The following AXDND1 variants were observed in gnomAD, a reference collection of about 807,000 sequenced individuals.
AXDND1 encodes the protein axonemal dynein light chain domain containing 1.
Under a neutral mutation model 137.5 loss-of-function variants are expected in AXDND1, and 110 were observed. That is an observed-to-expected ratio of 0.80 (90% CI 0.69 to 0.94). The LOEUF (loss-of-function observed/expected upper bound fraction) is 0.94. Ranked by LOEUF, AXDND1 falls within the 40% of genes least tolerant of loss-of-function variation. The pLI, the probability that AXDND1 is intolerant of heterozygous loss-of-function variation, is 0.00. For synonymous variants in AXDND1, 414 were observed against 399.7 expected (o/e 1.04, Z -0.43); for missense variants, 1,191 against 1,169.8 (o/e 1.02, Z -0.26).
At position 179,368,968 on chromosome 1, in the gene AXDND1, C is replaced by A. The variant is rs1257020379; in HGVS notation, c.266C>A (p.Pro89Gln). 5.6e-6 allele frequency: 9 copies of A among 1,609,758 alleles called. No homozygotes were observed. Among genetic ancestry groups the A allele is most frequent in the Non-Finnish European group, 7.6e-6 (9 of 1,177,222 alleles). The change falls in exon 3 of 26, where the codon CCA becomes CAA. Residue 89 changes from proline to glutamine, a missense_variant. Pro to Gln is a moderately conservative substitution (Grantham distance 76). Coordinates refer to ENST00000367618, the MANE Select transcript of AXDND1 (RefSeq NM_144696.6). The stretch of plus-strand genomic sequence containing the variant: ...CTACCTCCTAAGAAAATTAAAACCC[C>A]AAAGGTTTGTATGTACATATGTAGA... ...NLLPPKKIKT[P>Q]KGTLPRLVDH...
chr1:179,411,270 A>G lies in AXDND1; in HGVS notation c.1230+4A>G. ...CACATATGAATTGGCCCTGAAGGTT[A>G]GTTCATCTGGATTCACAACTCACAC... is the stretch of plus-strand genomic sequence containing the variant. On this transcript the variant is annotated splice_donor_region_variant and intron_variant, in intron 12 of 25. Transcript: ENST00000367618. 6.2e-7 allele frequency: 1 copy of G among 1,605,788 alleles called. No homozygotes were observed. Among genetic ancestry groups the G allele is most frequent in the Non-Finnish European group, 8.5e-7 (1 of 1,178,058 alleles).
In AXDND1 at chr1:179,444,956, C is replaced by G; in HGVS notation, c.1564-14C>G. On this transcript the variant is annotated splice_polypyrimidine_tract_variant and intron_variant, in intron 15 of 25. Coordinates refer to ENST00000367618, the MANE Select transcript of AXDND1 (RefSeq NM_144696.6). Reference sequence around the variant, plus strand: ...GGATAATATGCTACTCTCCCTCTTCCTTTCACTCTTTAGATCCTGAATGAG... The same window carrying G: ...GGATAATATGCTACTCTCCCTCTTCGTTTCACTCTTTAGATCCTGAATGAG... 1 of 1,556,536 alleles carries G rather than the reference C, an allele frequency of 6.4e-7. No individual in the cohort carries two copies. Among genetic ancestry groups the G allele is most frequent in the African/African-American group, 1.4e-5 (1 of 73,598 alleles).
chr1:179,397,422 T>C (rs1651234021), intron 11 of AXDND1, among the ~76,000 whole-genome samples: 1 of 152,184 alleles, frequency 6.6e-6, no homozygotes, highest in Non-Finnish European at 1.5e-5. Flanking sequence ...TAACCTTTTT[T>C]CTTTTATTTT....
chr1:179,386,497 A>C (rs956150879), intron 9 of AXDND1, among the ~76,000 whole-genome samples: 1 of 151,550 alleles, frequency 6.6e-6, no homozygotes, highest in Non-Finnish European at 1.5e-5. Flanking sequence ...ATTTTTGGCT[A>C]TTTCTTTAAG....
chr1:179,529,248 G>A (rs747866847), intron 23 of AXDND1, among the ~76,000 whole-genome samples: 7 of 152,196 alleles, frequency 4.6e-5, no homozygotes, highest in South Asian at 2.1e-4. Context: ...TATTTTGTGT[G>A]TATGTTCATA....
rs576601013 is a variant in AXDND1 at position 179,485,898 on chromosome 1, G to A, written c.2091+2677G>A. 2.5e-4 allele frequency among the ~76,000 whole-genome samples: 38 copies of A among 151,884 alleles called. 1 individual carries two copies. The highest frequency in any genetic ancestry group is 9.8e-4 in the Admixed American group (15 of 15,264). On this transcript the variant is annotated intron_variant, in intron 18 of 25. Coordinates refer to ENST00000367618, the MANE Select transcript of AXDND1 (RefSeq NM_144696.6). ...TTTGGGAGGCTGAGGTGGGTGGATC[G>A]ACTGAGGTCAGGAGTTCGAGACCAG...
chr1:179,512,510 T>G (rs1166994007), intron 21 of AXDND1, among the ~76,000 whole-genome samples: 1 of 152,194 alleles, frequency 6.6e-6, no homozygotes, highest in Non-Finnish European at 1.5e-5. Flanking sequence ...GCCTTCAGAT[T>G]TGTTCTTCAT....
chr1:179,396,666 A>AC lies in AXDND1; in HGVS notation c.1109+1464_1109+1465insC, dbSNP rs922053987. On this transcript the variant is annotated intron_variant, in intron 11 of 25. Coordinates refer to ENST00000367618, the MANE Select transcript of AXDND1 (RefSeq NM_144696.6). ...GCAAGACTCCATCTCAAAAAAAAAA[A>AC]AACTTGCTTTTACCAACTAAATACT... is the stretch of plus-strand genomic sequence containing the variant. 1.4e-4 allele frequency among the ~76,000 whole-genome samples: 21 copies of AC among 152,254 alleles called. 1 individual carries two copies. In the South Asian group the frequency reaches 2.3e-3, roughly 17 times the overall value.
chr1:179,376,161 G>A (rs1407044646), intron 4 of AXDND1, among the ~76,000 whole-genome samples: 2 of 152,110 alleles, frequency 1.3e-5, no homozygotes. Context: ...AGCATGATTT[G>A]CAAGGCTCTC....
chr1:179,412,063 A>G (rs951748648), intron 12 of AXDND1, among the ~76,000 whole-genome samples: 1 of 151,990 alleles, frequency 6.6e-6, no homozygotes, highest in Admixed American at 6.6e-5. Context: ...GTTGCCCTGG[A>G]TAGTCTTGAA....
intron 25 of AXDND1, among the ~76,000 whole-genome samples, chr1:179,539,824 G>A (rs1032390048): frequency 8.6e-5 from 13 of 152,034 alleles, no homozygotes; most frequent in Non-Finnish European, 1.8e-4. Flanking sequence ...TTTCGGGTAC[G>A]CCAATCAAAC....
intron 21 of AXDND1, among the ~76,000 whole-genome samples, chr1:179,516,475 G>A (rs888277392): frequency 3.3e-5 from 5 of 152,084 alleles, no homozygotes; most frequent in Admixed American, 6.5e-5. Context: ...TTTCTTCTTG[G>A]TTTGGAACCA....
chr1:179,486,139 A>AAAACT lies in AXDND1; in HGVS notation c.2091+2920_2091+2921insACTAA, dbSNP rs149119239. On this transcript the variant is annotated intron_variant, in intron 18 of 25. Coordinates refer to ENST00000367618, the MANE Select transcript of AXDND1 (RefSeq NM_144696.6). Reference sequence around the variant, plus strand: ...TGTCTCAAAAAAAAAAAAAAAAAAAAAACCTGATAGAAATGAAAAACACAC... The same window carrying AAAACT: ...TGTCTCAAAAAAAAAAAAAAAAAAAAAAACTAACCTGATAGAAATGAAAAACACAC... Among the ~76,000 whole-genome samples, 240 of 87,754 alleles carry AAAACT rather than the reference A, an allele frequency of 2.7e-3. 17 individuals are homozygous for AAAACT. Among genetic ancestry groups the AAAACT allele is most frequent in the African/African-American group, 6.6e-3 (179 of 26,924 alleles). The allele number at this position is 87,754 out of a possible 152,430, so 57.6% of individuals were successfully genotyped here.
rs149135257 is a variant in AXDND1 at position 179,509,696 on chromosome 1, C to T, written c.2496+293C>T. On this transcript the variant is annotated intron_variant, in intron 21 of 25. Transcript: ENST00000367618. ...GGCATATCCTCAGGTTCATCTGCTT[C>T]TGTGCTCACCCTTTTCCCTCCCCTC... Among the ~76,000 whole-genome samples, 9 of 152,328 alleles carry T rather than the reference C, an allele frequency of 5.9e-5. 1 individual carries two copies. In the East Asian group the frequency reaches 1.4e-3, roughly 23 times the overall value.
intron 23 of AXDND1, among the ~76,000 whole-genome samples, chr1:179,530,142 G>T (rs1208168984): frequency 6.6e-6 from 1 of 152,114 alleles, no homozygotes; most frequent in Non-Finnish European, 1.5e-5. Context: ...CGATTCTCCT[G>T]CCTCAGCCTC....
At chr1:179,540,041 C>T (rs1671968933) in intron 25 of AXDND1, among the ~76,000 whole-genome samples, 2 of 152,024 alleles carry the variant, frequency 1.3e-5, no homozygotes, top group African/African-American at 4.8e-5. Context: ...TCAGCTCCGT[C>T]AGGTCATTTA....
rs767956177 is a variant in AXDND1, at chr1:179,395,097, G to T, written c.1005-1G>T. The T allele has an allele frequency of 6.3e-7, 1 of 1,592,616 alleles. No homozygotes were observed. The highest frequency in any genetic ancestry group is 8.5e-7 in the Non-Finnish European group (1 of 1,173,384). On this transcript the variant is annotated splice_acceptor_variant, in intron 10 of 25. Transcript: ENST00000367618. LOFTEE classifies it high-confidence loss of function. ...TTAAAAATTTCTTTGCTTTATTTCA[G>T]GGAACTGTGTCTAGTTCGGGCACAT...
At position 179,385,287 on chromosome 1, in the gene AXDND1, T is replaced by C. The variant is rs544858689; in HGVS notation, c.791T>C (p.Met264Thr). ...AAGAAGGAACAGACCATTTACAACA[T>C]GATATTTCATGAACTTATTCGACAA... ...ILKKEQTIYN[M>T]IFHELIRQVS... The change falls in exon 9 of 26, where the codon ATG (methionine) becomes ACG (threonine). Residue 264 changes from methionine (M) to threonine (T), a missense_variant. Met to Thr is a moderately conservative substitution (Grantham distance 81, BLOSUM62 -1). Transcript: ENST00000367618. 1.2e-6 allele frequency: 2 copies of C among 1,610,422 alleles called. No homozygotes were observed. The highest frequency in any genetic ancestry group is 1.3e-5 in the African/African-American group (1 of 74,960).
chr1:179,368,858 T>G lies in AXDND1; in HGVS notation c.156T>G (p.Thr52=), dbSNP rs775735081. The change falls in exon 3 of 26, where the codon ACT becomes ACG. Residue 52 remains threonine, a synonymous_variant. Coordinates refer to ENST00000367618, the MANE Select transcript of AXDND1 (RefSeq NM_144696.6). ...NMVDRSKLLP[T]SLQNEFIPKE... Reference sequence around the variant, plus strand: ...TGGATCGTTCAAAACTCCTTCCTACTTCCCTTCAGAATGAGTTCATTCCCA... The same window carrying G: ...TGGATCGTTCAAAACTCCTTCCTACGTCCCTTCAGAATGAGTTCATTCCCA... The G allele has an allele frequency of 6.2e-7, 1 of 1,613,808 alleles. No individual in the cohort carries two copies. Among genetic ancestry groups the G allele is most frequent in the East Asian group, 2.2e-5 (1 of 44,864 alleles).
Sources: gnomAD v4.1 joint callset for allele counts (sites outside exome capture counted in the v4.1 genomes callset) on GRCh38, gnomAD v4.1.1 for gene constraint, MANE v1.5 for transcripts, NCBI Gene and HGNC (gene_info 2026-07-23, HGNC 2026-07-21) for gene names.